OTOG: variants seen among roughly 807,000 people sequenced by gnomAD.
OTOG encodes otogelin.
OTOG carries 296 observed loss-of-function variants against 313.8 expected under a neutral mutation model. That is an observed-to-expected ratio of 0.94 (90% CI 0.86 to 1.04). The LOEUF (loss-of-function observed/expected upper bound fraction) is 1.04. Ranked by LOEUF, OTOG falls within the 50% of genes least tolerant of loss-of-function variation. OTOG has a pLI of 0.00. For missense variants in OTOG, 3,948 were observed against 3,840.1 expected, an observed-to-expected ratio of 1.03 and a Z score of -0.74; for synonymous variants, 1,533 against 1,554.9, an observed-to-expected ratio of 0.99 and a Z score of 0.33.
intron 15 of OTOG, among the ~76,000 whole-genome samples, chr11:17,562,885 T>C (rs1414875498): frequency 6.6e-6 from 1 of 152,176 alleles, no homozygotes; most frequent in East Asian, 1.9e-4. Flanking sequence ...GAGACTGGGA[T>C]GAATTAGACA....
intron 17 of OTOG, 57 bp from the exon 18 acceptor site, chr11:17,572,023 T>C: frequency 2.6e-6 from 4 of 1,547,026 alleles, no homozygotes; most frequent in Non-Finnish European, 3.5e-6. Flanking sequence ...CTATGCTATT[T>C]GTGCCCCCTG....
Position 17,595,409 on chromosome 11 carries a change from T to C in OTOG, c.3409-629T>C, listed in dbSNP as rs186341169. 2.2e-3 allele frequency among the ~76,000 whole-genome samples: 341 copies of C among 152,342 alleles called. 1 individual carries two copies. Among genetic ancestry groups the C allele is most frequent in the Non-Finnish European group, 3.7e-3 (250 of 68,018 alleles). On this transcript the variant is annotated intron_variant, in intron 28 of 55. Coordinates refer to ENST00000399397, the MANE Select transcript of OTOG (RefSeq NM_001292063.2). ...TCTGTATTAGTTATCTACTGCTATA[T>C]AAAAATTTTATGAGACTTAGTGGCA...
intron 6 of OTOG, among the ~76,000 whole-genome samples, chr11:17,555,233 G>GTC (rs1852030420): frequency 6.6e-6 from 1 of 151,946 alleles, no homozygotes; most frequent in African/African-American, 2.4e-5. Context: ...GTGTGTGTGT[G>GTC]TGACAGCAGC....
intron 12 of OTOG, 54 bp downstream of exon 12, chr11:17,559,716 A>T: frequency 2.2e-6 from 3 of 1,337,292 alleles, no homozygotes; most frequent in Non-Finnish European, 3.0e-6. Flanking sequence ...CCTGGCACAG[A>T]TGGCCACGAA....
At chr11:17,568,659 G>A (rs1852340127) in intron 15 of OTOG, among the ~76,000 whole-genome samples, 2 of 152,166 alleles carry the variant, frequency 1.3e-5, no homozygotes, top group Non-Finnish European at 2.9e-5. Context: ...TGTGGAGGGA[G>A]GTATAAAAGG....
At chr11:17,560,847 T>A in intron 13 of OTOG, 30 bp downstream of exon 13, 1 of 1,522,984 alleles carries the variant, frequency 6.6e-7, no homozygotes, top group Non-Finnish European at 8.9e-7. Flanking sequence ...AAGCAGGGTG[T>A]GGGGCATGGC....
intron 23 of OTOG, among the ~76,000 whole-genome samples, chr11:17,579,009 C>T (rs1042125698): frequency 3.3e-5 from 5 of 152,222 alleles, no homozygotes; most frequent in African/African-American, 1.2e-4. Context: ...CTGTCTCATT[C>T]CCAGGTCCCC....
chr11:17,562,570 C>CAA (rs148426671), intron 15 of OTOG, among the ~76,000 whole-genome samples: 5 of 148,556 alleles, frequency 3.4e-5, no homozygotes, highest in Admixed American at 6.7e-5. Flanking sequence ...ACCCATTTTA[C>CAA]AAAAAAAAAA....
Position 17,629,321 on chromosome 11 carries a change from G to A in OTOG, c.6712+5G>A. On this transcript the variant is annotated splice_donor_5th_base_variant and intron_variant, in intron 40 of 55. Transcript: ENST00000399397. ...CCCAGGGCCATGGCCTGTGCGGTGA[G>A]GTGGAACCCAGCTTGCGGGGAGGGG... The A allele has an allele frequency of 6.5e-7, 1 of 1,543,292 alleles. No individual in the cohort carries two copies.
At chr11:17,579,890 G>A (rs1218825989) in intron 23 of OTOG, among the ~76,000 whole-genome samples, 3 of 152,210 alleles carry the variant, frequency 2.0e-5, no homozygotes, top group Admixed American at 2.0e-4. Flanking sequence ...GACCCATTGC[G>A]TGCTGTATCA....
chr11:17,559,408 T>C, intron 11 of OTOG, 126 bp from the exon 12 acceptor site: 1 of 1,326,474 alleles, frequency 7.5e-7, no homozygotes, highest in Non-Finnish European at 1.0e-6. Flanking sequence ...ATGCTCCCTC[T>C]GGGACTAGGA....
chr11:17,640,671 C>T (rs907975345), intron 49 of OTOG, 74 bp from the exon 50 acceptor site: 1 of 1,454,606 alleles, frequency 6.9e-7, no homozygotes, highest in Admixed American at 2.0e-5. Context: ...TAGAGAGGGG[C>T]CCAGGTGGCA....
At chr11:17,613,798 T>G in intron 39 of OTOG, 97 bp downstream of exon 39, 4 of 980,202 alleles carry the variant, frequency 4.1e-6, no homozygotes, top group South Asian at 2.8e-5. Context: ...GAATCATGAT[T>G]CAGGGCAGGG....
rs565814442 is a variant in OTOG, at chr11:17,562,284, G to A, written c.1644+477G>A. On this transcript the variant is annotated intron_variant, in intron 15 of 55. Transcript: ENST00000399397. ...GAAATGTAATGGCTATCTACAAAAA[G>A]TTAGTTTTGATTGTTGGTTTCCTCC... 1.9e-4 allele frequency among the ~76,000 whole-genome samples: 28 copies of A among 144,924 alleles called. No individual in the cohort carries two copies. In the East Asian group the frequency reaches 3.8e-3, roughly 20 times the overall value.
intron 49 of OTOG, 117 bp from the exon 50 acceptor site, chr11:17,640,628 C>A (rs1590061870): frequency 1.8e-6 from 2 of 1,118,560 alleles, no homozygotes; most frequent in East Asian, 2.6e-5. Context: ...GCCTGCCAGC[C>A]CCCCTCCTGC....
At chr11:17,587,999 G>A (rs1002294574) in intron 24 of OTOG, among the ~76,000 whole-genome samples, 10 of 152,170 alleles carry the variant, frequency 6.6e-5, no homozygotes, top group African/African-American at 2.4e-4. Context: ...ATCCTCTCCT[G>A]TGAGTGCATT....
intron 47 of OTOG, among the ~76,000 whole-genome samples, chr11:17,637,316 C>A (rs897113340): frequency 6.6e-6 from 1 of 152,048 alleles, no homozygotes; most frequent in Admixed American, 6.5e-5. Context: ...CAGTCTGTTT[C>A]TTCCTGTTTG....
Position 17,561,151 on chromosome 11 carries a change from C to A in OTOG, c.1498+14C>A, listed in dbSNP as rs1433902527. On this transcript the variant is annotated intron_variant, in intron 14 of 55. Transcript: ENST00000399397. ...CTGTCTGCCCAGGTATGTCTGCCCC[C>A]CACCTTGCACTAGGATCCCTTCTAC... The A allele has an allele frequency of 3.9e-6, 6 of 1,550,378 alleles. No individual in the cohort carries two copies. Among genetic ancestry groups the A allele is most frequent in the Non-Finnish European group, 5.2e-6 (6 of 1,146,934 alleles).
In OTOG at chr11:17,563,680, AT is replaced by A. The variant is rs1381350590; in HGVS notation, c.1644+1874del. On this transcript the variant is annotated intron_variant, in intron 15 of 55. Coordinates refer to ENST00000399397, the MANE Select transcript of OTOG (RefSeq NM_001292063.2). The stretch of plus-strand genomic sequence containing the variant: ...TGGGTCTCAGGGTCCCTTACTCAGA[AT>A]CCCCCCCTTTTTTTTTGGAGACAGG... Among the ~76,000 whole-genome samples the A allele has an allele frequency of 3.4e-5, 5 of 145,948 alleles. No homozygotes were observed. The East Asian group carries it at 9.7e-4, about 28-fold the overall frequency.
Sources: gnomAD v4.1 joint callset for allele counts (sites outside exome capture counted in the v4.1 genomes callset) on GRCh38, gnomAD v4.1.1 for gene constraint, MANE v1.5 for transcripts, NCBI Gene and HGNC (gene_info 2026-07-23, HGNC 2026-07-21) for gene names.